Variants in PBRM1 observed in about 807,000 individuals in gnomAD.
PBRM1 encodes the protein polybromo 1.
PBRM1 carries 27 observed loss-of-function variants against 194.5 expected under a neutral mutation model. The ratio of observed to expected loss-of-function variants is 0.14; its 90% confidence interval spans 0.10 to 0.19. PBRM1 has a LOEUF of 0.19. Among genes scored for constraint, PBRM1 ranks in the 10% least tolerant of loss-of-function variants. PBRM1 has a pLI of 1.00. For synonymous variants in PBRM1, 655 were observed against 693.2 expected, an observed-to-expected ratio of 0.94 and a Z score of 0.87; for missense variants, 1,466 against 2,077.2, an observed-to-expected ratio of 0.71 and a Z score of 5.72.
intron 22 of PBRM1, among the ~76,000 whole-genome samples, chr3:52,574,495 G>A (rs2088678307): frequency 6.6e-6 from 1 of 152,194 alleles, no homozygotes; most frequent in Admixed American, 6.6e-5. Flanking sequence ...GTATCAGTCA[G>A]GACCAACAGT....
At chr3:52,559,846 TA>T (rs34203062) in intron 25 of PBRM1, among the ~76,000 whole-genome samples, 371 of 125,054 alleles carry the variant, frequency 3.0e-3, no homozygotes, top group Middle Eastern at 9.0e-3. Flanking sequence ...GAGCTAGCAG[TA>T]AAAAAAAAAA....
At chr3:52,548,990 A>AT (rs1241059461) in intron 29 of PBRM1, among the ~76,000 whole-genome samples, 4 of 145,422 alleles carry the variant, frequency 2.8e-5, no homozygotes, top group Non-Finnish European at 6.1e-5. Flanking sequence ...GGTTTCTAAT[A>AT]TTTTTTTCCT....
rs751711654 is a variant in PBRM1, at chr3:52,648,457, A to G, written c.715-15T>C. The G allele has an allele frequency of 4.4e-6, 6 of 1,361,626 alleles. No individual in the cohort carries two copies. The highest frequency in any genetic ancestry group is 6.3e-6 in the Non-Finnish European group (6 of 958,914). The allele number at this position is 1,361,626 out of a possible 1,614,324, so 84.3% of individuals were successfully genotyped here. A position where few individuals can be genotyped will look rare whatever the true frequency, so the allele number is the denominator to read the frequency against. On this transcript the variant is annotated splice_polypyrimidine_tract_variant and intron_variant, in intron 6 of 29. Transcript: ENST00000296302. ...TAGCTTCCATTCTACAATAAACAACAAAATATAGCAGTTCCTTTTAATGAG... is the reference window on the plus strand; with the variant it reads ...TAGCTTCCATTCTACAATAAACAACGAAATATAGCAGTTCCTTTTAATGAG...
intron 15 of PBRM1, 150 bp downstream of exon 17, chr3:52,615,201 A>C: frequency 5.5e-6 from 3 of 547,366 alleles, no homozygotes; most frequent in Non-Finnish European, 9.7e-6. Context: ...AAAATACAGT[A>C]AATGAGAGGG....
chr3:52,668,455 G>C (rs764807000), intron 3 of PBRM1, 43 bp downstream of exon 4: 2 of 1,399,320 alleles, frequency 1.4e-6, no homozygotes, highest in Admixed American at 4.8e-5. Context: ...TATCAAATTG[G>C]TATCTTCCAA....
chr3:52,600,453 T>C (rs1390218132), intron 17 of PBRM1, among the ~76,000 whole-genome samples: 1 of 152,202 alleles, frequency 6.6e-6, no homozygotes, highest in Non-Finnish European at 1.5e-5. Flanking sequence ...TATAGTCTGT[T>C]CTTAAAGTTT....
At chr3:52,685,083 A>G (rs972892476) in intron 1 of PBRM1, among the ~76,000 whole-genome samples, 1 of 152,206 alleles carries the variant, frequency 6.6e-6, no homozygotes. Flanking sequence ...ACCCCAACAT[A>G]CGCTTCTATA....
At chr3:52,586,748 C>CAAAAAAAAAAAAA (rs35352950) in intron 19 of PBRM1, 60 bp from the exon 22 acceptor site, 18 of 183,876 alleles carry the variant, frequency 9.8e-5, no homozygotes, top group African/African-American at 2.3e-4. Context: ...GAAAATCAAT[C>CAAAAAAAAAAAAA]AAAAAAAAAA....
chr3:52,679,505 T>C lies in PBRM1; in HGVS notation c.138+69A>G, dbSNP rs2097168304. ...GAGATGCCTTGCATCGTAACAATTT[T>C]ACCATTAAAGGGAAGATAGGGGAAT... On this transcript the variant is annotated intron_variant, in intron 1 of 29. Coordinates refer to ENST00000296302, the Ensembl canonical transcript of PBRM1. 13 of 1,421,824 alleles carry C rather than the reference T, an allele frequency of 9.1e-6. No individual in the cohort carries two copies. In the South Asian group the frequency reaches 1.6e-4, roughly 18 times the overall value. 88.1% of individuals were successfully genotyped at this position (1,421,824 alleles called of 1,614,324 possible). A position where few individuals can be genotyped will look rare whatever the true frequency, so the allele number is the denominator to read the frequency against.
chr3:52,583,273 G>A (rs1309763428), intron 20 of PBRM1, among the ~76,000 whole-genome samples: 1 of 151,620 alleles, frequency 6.6e-6, no homozygotes, highest in Admixed American at 6.6e-5. Flanking sequence ...AGCTAGGTGC[G>A]GTGGTGCACA....
intron 1 of PBRM1, chr3:52,684,860 T>G (rs2097285378): frequency 6.6e-6 from 1 of 152,198 alleles, no homozygotes; most frequent in Non-Finnish European, 1.5e-5. Flanking sequence ...AAACACCTCT[T>G]CAAAACATAT....
At chr3:52,564,731 G>A (rs1337562547) in intron 22 of PBRM1, among the ~76,000 whole-genome samples, 1 of 152,150 alleles carries the variant, frequency 6.6e-6, no homozygotes, top group Non-Finnish European at 1.5e-5. Flanking sequence ...AACTGAAAGT[G>A]TAGAAATAAA....
intron 20 of PBRM1, among the ~76,000 whole-genome samples, chr3:52,580,322 T>C (rs1407564450): frequency 6.6e-6 from 1 of 152,166 alleles, no homozygotes; most frequent in Non-Finnish European, 1.5e-5. Context: ...TGGAAAGGAA[T>C]AGCATAGCCT....
At chr3:52,685,009 AAAT>A (rs1259386508) in intron 1 of PBRM1, 1 of 152,246 alleles carries the variant, frequency 6.6e-6, no homozygotes, top group African/African-American at 2.4e-5. Context: ...ATGGAGAAAA[AAAT>A]AATACCTAAA....
At chr3:52,561,954 A>T (rs2153495019) in exon 25 of PBRM1, 1 of 1,613,794 alleles carries the variant, frequency 6.2e-7, no homozygotes, top group Non-Finnish European at 8.5e-7. Context: ...TGCCTTTGGC[A>T]GACTTTGGGG....
chr3:52,597,627 C>G (rs2093673001), intron 17 of PBRM1, among the ~76,000 whole-genome samples: 1 of 152,124 alleles, frequency 6.6e-6, no homozygotes, highest in South Asian at 2.1e-4. Context: ...GGCACCATCA[C>G]AGCTCACTAC....
intron 22 of PBRM1, among the ~76,000 whole-genome samples, chr3:52,573,290 CTT>C (rs1184905110): frequency 3.4e-5 from 5 of 145,774 alleles, no homozygotes; most frequent in Non-Finnish European, 3.0e-5. Flanking sequence ...TTCTTTCTTT[CTT>C]TTTTTTTTTT....
chr3:52,622,778 G>A (rs890982701), intron 13 of PBRM1, among the ~76,000 whole-genome samples: 6 of 152,038 alleles, frequency 3.9e-5, no homozygotes, highest in African/African-American at 1.2e-4. Context: ...TAAGTCCTTG[G>A]CTCTCATACT....
rs544417243 is a variant in PBRM1 at position 52,552,684 on chromosome 3, G to A, written c.4610-1867C>T. ...AGCTATGTCCCAACACCCACCAAAA[G>A]ACATCTGCAACCTAGAGGGTACTGG... On this transcript the variant is annotated intron_variant, in intron 27 of 29. Coordinates refer to ENST00000296302, the Ensembl canonical transcript of PBRM1. Among the ~76,000 whole-genome samples the A allele has an allele frequency of 2.6e-5, 4 of 152,260 alleles. No homozygotes were observed. In the East Asian group the frequency reaches 7.7e-4, roughly 29 times the overall value.
Sources: gnomAD v4.1 joint callset for allele counts (sites outside exome capture counted in the v4.1 genomes callset) on GRCh38, gnomAD v4.1.1 for gene constraint, MANE v1.5 for transcripts, NCBI Gene and HGNC (gene_info 2026-07-23, HGNC 2026-07-21) for gene names.